Variants in DTNA observed in about 807,000 individuals in gnomAD.
DTNA encodes the protein dystrobrevin alpha.
DTNA carries 43 observed loss-of-function variants against 100.7 expected under a neutral mutation model. The ratio of observed to expected loss-of-function variants is 0.43; its 90% CI spans 0.33 to 0.55. The LOEUF is 0.55. Among genes scored for constraint, DTNA ranks in the 20% least tolerant of loss-of-function variants. The pLI is 0.04. For synonymous variants in DTNA, 349 were observed against 347.9 expected, an observed-to-expected ratio of 1.00 and a Z score of -0.04; for missense variants, 798 against 953.9, an observed-to-expected ratio of 0.84 and a Z score of 2.15.
intron 1 of DTNA, among the ~76,000 whole-genome samples, chr18:34,660,471 T>A (rs2075028424): frequency 6.6e-6 from 1 of 151,888 alleles, no homozygotes; most frequent in South Asian, 2.1e-4. Context: ...TAAATTATAT[T>A]TCTTTGACAT....
chr18:34,548,530 G>T (rs1390925322), intron 1 of DTNA, among the ~76,000 whole-genome samples: 1 of 152,046 alleles, frequency 6.6e-6, no homozygotes, highest in African/African-American at 2.4e-5. Context: ...TTAGAGTATT[G>T]AAAGGAAAAT....
intron 1 of DTNA, among the ~76,000 whole-genome samples, chr18:34,667,430 A>C (rs992031138): frequency 6.6e-6 from 1 of 152,064 alleles, no homozygotes. Flanking sequence ...TCTCCTGCCT[A>C]ATTGCCCTGG....
At chr18:34,727,171 G>C (rs1211145152) in intron 1 of DTNA, among the ~76,000 whole-genome samples, 1 of 152,220 alleles carries the variant, frequency 6.6e-6, no homozygotes, top group African/African-American at 2.4e-5. Context: ...AGGCTTCACA[G>C]GGCAGCAGGG....
intron 1 of DTNA, among the ~76,000 whole-genome samples, chr18:34,552,413 A>G (rs1213190597): frequency 6.6e-6 from 1 of 151,642 alleles, no homozygotes; most frequent in African/African-American, 2.4e-5. Context: ...GTTTTAGGGT[A>G]CATGTGCACA....
intron 1 of DTNA, among the ~76,000 whole-genome samples, chr18:34,535,834 T>A (rs2043650843): frequency 6.6e-6 from 1 of 152,054 alleles, no homozygotes; most frequent in Non-Finnish European, 1.5e-5. Context: ...CCTCTGCCCC[T>A]TAAATACCAG....
At chr18:34,653,610 G>T (rs1436663453) in intron 1 of DTNA, among the ~76,000 whole-genome samples, 1 of 152,134 alleles carries the variant, frequency 6.6e-6, no homozygotes, top group Non-Finnish European at 1.5e-5. Context: ...ATCACTTGAG[G>T]TCAGGAGTTT....
chr18:34,550,433 T>C (rs573226982), intron 1 of DTNA, among the ~76,000 whole-genome samples: 12 of 152,270 alleles, frequency 7.9e-5, no homozygotes, highest in African/African-American at 2.9e-4. Context: ...AAACAGTTAC[T>C]GGATTATCAG....
intron 1 of DTNA, among the ~76,000 whole-genome samples, chr18:34,684,671 G>C (rs919724656): frequency 6.6e-6 from 1 of 152,088 alleles, no homozygotes; most frequent in Non-Finnish European, 1.5e-5. Context: ...CCAGTAATAC[G>C]ATTGCTAGGT....
intron 17 of DTNA, chr18:34,868,897 A>T: frequency 1.9e-6 from 1 of 528,920 alleles, no homozygotes; most frequent in Non-Finnish European, 2.4e-6. Flanking sequence ...TAAAACGTTT[A>T]ATAATGAAGG....
At chr18:34,739,952 T>C (rs2090316367) in intron 1 of DTNA, among the ~76,000 whole-genome samples, 1 of 152,130 alleles carries the variant, frequency 6.6e-6, no homozygotes, top group Admixed American at 6.6e-5. Flanking sequence ...TGGCTTTTAT[T>C]TGAGATGTCC....
intron 1 of DTNA, among the ~76,000 whole-genome samples, chr18:34,543,660 A>G (rs1348562951): frequency 6.6e-6 from 1 of 152,112 alleles, no homozygotes; most frequent in Non-Finnish European, 1.5e-5. Context: ...AATTTCTGGA[A>G]TATAGCAAGC....
At chr18:34,561,708 T>C (rs1018092467) in intron 1 of DTNA, among the ~76,000 whole-genome samples, 1 of 152,116 alleles carries the variant, frequency 6.6e-6, no homozygotes, top group African/African-American at 2.4e-5. Flanking sequence ...TTATCGTACC[T>C]CATAATTTAT....
At chr18:34,714,031 G>A (rs1212466144) in intron 1 of DTNA, among the ~76,000 whole-genome samples, 1 of 151,150 alleles carries the variant, frequency 6.6e-6, no homozygotes, top group Non-Finnish European at 1.5e-5. Context: ...CTAGCCATAT[G>A]TAGAAAGCTG....
At chr18:34,829,378 T>G (rs765646296) in intron 10 of DTNA, 22 bp from the exon 11 acceptor site, 13 of 1,534,892 alleles carry the variant, frequency 8.5e-6, no homozygotes, top group Non-Finnish European at 1.1e-5. Context: ...TTTAATGAGG[T>G]CTCATTGTTT....
intron 1 of DTNA, among the ~76,000 whole-genome samples, chr18:34,744,258 A>T (rs1444808005): frequency 6.6e-6 from 1 of 152,182 alleles, no homozygotes; most frequent in Non-Finnish European, 1.5e-5. Flanking sequence ...AATCACCCCA[A>T]ATAAATGGCA....
intron 1 of DTNA, among the ~76,000 whole-genome samples, chr18:34,727,978 G>T (rs2087120144): frequency 6.6e-6 from 1 of 152,136 alleles, no homozygotes; most frequent in Non-Finnish European, 1.5e-5. Flanking sequence ...AAAAATGATA[G>T]AAATAAAGCA....
intron 1 of DTNA, among the ~76,000 whole-genome samples, chr18:34,494,480 C>G (rs1290356561): frequency 6.6e-6 from 1 of 152,032 alleles, no homozygotes; most frequent in East Asian, 1.9e-4. Flanking sequence ...GTTCTGGTAT[C>G]CGGAGTGGGA....
intron 1 of DTNA, among the ~76,000 whole-genome samples, chr18:34,655,003 A>AG (rs1370397747): frequency 6.6e-6 from 1 of 152,224 alleles, no homozygotes; most frequent in Non-Finnish European, 1.5e-5. Context: ...TTGGGATTAC[A>AG]GGCATGAACC....
intron 10 of DTNA, among the ~76,000 whole-genome samples, chr18:34,828,855 T>A (rs2149563497): frequency 6.7e-6 from 1 of 149,966 alleles, no homozygotes; most frequent in Middle Eastern, 3.5e-3. Context: ...AATGCAACCA[T>A]TTTTTTTTTC....
Sources: allele counts gnomAD v4.1 joint callset (sites outside exome capture counted in the v4.1 genomes callset), GRCh38; gene constraint gnomAD v4.1.1; transcripts MANE v1.5; gene names NCBI Gene and HGNC (gene_info 2026-07-23, HGNC 2026-07-21).